DMD: variants seen among roughly 807,000 people sequenced by gnomAD.
The protein encoded by DMD is mutant dystrophin.
A neutral mutation model predicts 330.1 loss-of-function variants in DMD; 63 were observed. That is an observed-to-expected ratio of 0.19 (90% CI 0.16 to 0.24). The LOEUF (loss-of-function observed/expected upper bound fraction) is 0.24, where lower values mean the gene tolerates loss of function less well. Ranked by LOEUF, DMD falls within the 10% of genes least tolerant of loss-of-function variation. The pLI is 1.00. For synonymous variants in DMD, 1,223 were observed against 959.8 expected, an observed-to-expected ratio of 1.27 and a Z score of -5.07; for missense variants, 3,344 against 2,684.1, an observed-to-expected ratio of 1.25 and a Z score of -5.43.
intron 1 of DMD, among the ~76,000 whole-genome samples, chrX:33,232,847 T>C (rs1270333878): frequency 9.0e-6 from 1 of 111,565 alleles, no homozygotes; most frequent in Non-Finnish European, 1.9e-5. Flanking sequence ...TAATTATTTA[T>C]TCATCTGATG....
chrX:32,117,901 C>T (rs1369218200), intron 44 of DMD, among the ~76,000 whole-genome samples: 1 of 111,435 alleles, frequency 9.0e-6, no homozygotes, highest in Non-Finnish European at 1.9e-5. Flanking sequence ...GATGTGACAA[C>T]CAGAGAGGCT....
At chrX:32,474,001 C>A (rs1418449059) in intron 21 of DMD, among the ~76,000 whole-genome samples, 2 of 109,970 alleles carry the variant, frequency 1.8e-5, no homozygotes, top group Non-Finnish European at 3.8e-5. Context: ...CCCACAAGTT[C>A]CCAAAGTCCA....
At chrX:32,509,341 C>T (rs981898303) in intron 18 of DMD, among the ~76,000 whole-genome samples, 2 of 110,448 alleles carry the variant, frequency 1.8e-5, no homozygotes, top group Non-Finnish European at 3.8e-5. Flanking sequence ...AAATTTCTAC[C>T]GTCTCCCATT....
chrX:32,496,672 G>C (rs1187886474), intron 19 of DMD, among the ~76,000 whole-genome samples: 1 of 112,712 alleles, frequency 8.9e-6, no homozygotes, highest in African/African-American at 3.2e-5. Context: ...ACATGTCTGC[G>C]CATGCGAGTT....
intron 2 of DMD, among the ~76,000 whole-genome samples, chrX:32,989,283 C>A (rs1170855439): frequency 9.0e-6 from 1 of 111,318 alleles, no homozygotes; most frequent in Admixed American, 9.6e-5. Flanking sequence ...ACTGCAAAAC[C>A]CTTCTCATCT....
intron 1 of DMD, among the ~76,000 whole-genome samples, chrX:33,275,514 C>A (rs1459749697): frequency 8.9e-6 from 1 of 111,966 alleles, no homozygotes; most frequent in Non-Finnish European, 1.9e-5. Context: ...TCATGTATCA[C>A]TAAAAATCAT....
rs952026581 is a variant in DMD at position 32,899,472 on chromosome X, G to A, written c.94-49652C>T. ...GGGCGGATCACGAGATCAAGAGATCGAGACCATCCTGACCAACATGGTGAA... is the reference window on the plus strand; with the variant it reads ...GGGCGGATCACGAGATCAAGAGATCAAGACCATCCTGACCAACATGGTGAA... On this transcript the variant is annotated intron_variant, in intron 2 of 78. Coordinates refer to ENST00000357033, the MANE Select transcript of DMD (RefSeq NM_004006.3). Among the ~76,000 whole-genome samples the A allele has an allele frequency of 2.7e-5, 3 of 109,574 alleles. No individual in the cohort carries two copies. The Admixed American group carries it at 3.0e-4, about 11-fold the overall frequency.
intron 7 of DMD, among the ~76,000 whole-genome samples, chrX:32,737,080 T>C (rs1015865443): frequency 1.1e-4 from 12 of 110,667 alleles, no homozygotes; most frequent in Non-Finnish European, 2.1e-4. Context: ...TTGTTTCATA[T>C]GTTATTATCT....
Position 32,736,301 on chromosome X carries a change from C to CT in DMD, c.650-37009dup, listed in dbSNP as rs975666598. Among the ~76,000 whole-genome samples, 181 of 111,398 alleles carry CT rather than the reference C, an allele frequency of 1.6e-3. 1 individual carries two copies. Among genetic ancestry groups the CT allele is most frequent in the African/African-American group, 5.8e-3 (178 of 30,525 alleles). ...GAGAGGATGTGGAGAAATAGGAACACTTTTTCACTGTTGGTGGGACTGTAA... is the reference window on the plus strand; with the variant it reads ...GAGAGGATGTGGAGAAATAGGAACACTTTTTTCACTGTTGGTGGGACTGTAA... On this transcript the variant is annotated intron_variant, in intron 7 of 78. Coordinates refer to ENST00000357033, the MANE Select transcript of DMD (RefSeq NM_004006.3).
chrX:32,465,832 C>A (rs1467702254), intron 23 of DMD, among the ~76,000 whole-genome samples: 1 of 110,831 alleles, frequency 9.0e-6, no homozygotes, highest in African/African-American at 3.3e-5. Flanking sequence ...GATCTACCTG[C>A]CTCAGCTGCC....
At position 32,385,653 on chromosome X, in the gene DMD, G is replaced by A. The variant is rs778782564; in HGVS notation, c.4674+657C>T. On this transcript the variant is annotated intron_variant, in intron 33 of 78. Transcript: ENST00000357033. ...ACAGAATATTTGAGTTGAGCGAAGT[G>A]AGATGGAGAGATATAGGCATCTTGA... 5.7e-5 allele frequency among the ~76,000 whole-genome samples: 3 copies of A among 52,527 alleles called. No homozygotes were observed. In the Admixed American group the frequency reaches 6.9e-4, roughly 12 times the overall value. The allele number at this position is 52,527 out of a possible 115,157, so 45.6% of individuals were successfully genotyped here.
intron 7 of DMD, among the ~76,000 whole-genome samples, chrX:32,755,767 A>G (rs1469905540): frequency 8.9e-6 from 1 of 112,124 alleles, no homozygotes; most frequent in Non-Finnish European, 1.9e-5. Context: ...CTTTTCCTCA[A>G]TTGGGAAGTG....
intron 35 of DMD, 111 bp from the exon 36 acceptor site, chrX:32,364,821 A>G (rs1001361364): frequency 1.1e-6 from 1 of 880,378 alleles, no homozygotes; most frequent in Admixed American, 2.9e-5. Context: ...CATTGAGATT[A>G]GTTTTAAGTG....
At chrX:31,787,717 C>T (rs2091376903) in intron 50 of DMD, among the ~76,000 whole-genome samples, 5 of 112,040 alleles carry the variant, frequency 4.5e-5, no homozygotes, top group South Asian at 3.7e-4. Flanking sequence ...TGAGTTTTAA[C>T]GTTCTGGGTC....
chrX:32,962,191 A>G (rs187260114), intron 2 of DMD, among the ~76,000 whole-genome samples: 1 of 111,801 alleles, frequency 8.9e-6, no homozygotes, highest in East Asian at 2.8e-4. Context: ...TAAAAATACA[A>G]TAACTTGCAC....
At chrX:32,511,410 T>A (rs1217131125) in intron 18 of DMD, among the ~76,000 whole-genome samples, 1 of 105,893 alleles carries the variant, frequency 9.4e-6, no homozygotes, top group Non-Finnish European at 1.9e-5. Flanking sequence ...TAGTCCCAGC[T>A]ACTCGGGAGG....
intron 60 of DMD, among the ~76,000 whole-genome samples, chrX:31,397,974 C>T (rs772684448): frequency 5.3e-5 from 6 of 112,356 alleles, no homozygotes; most frequent in Non-Finnish European, 1.1e-4. Flanking sequence ...GAACAATTGA[C>T]CTTGCGTAAG....
intron 21 of DMD, among the ~76,000 whole-genome samples, chrX:32,475,851 G>T (rs186533492): frequency 9.0e-6 from 1 of 110,683 alleles, no homozygotes; most frequent in Non-Finnish European, 1.9e-5. Context: ...CCTCTTTACC[G>T]ATTTGGATGC....
At position 32,464,675 on chromosome X, in the gene DMD, A is replaced by G. The variant is rs1603634106; in HGVS notation, c.3187T>C (p.Trp1063Arg). ...AGAAAAACATCAACTTCAGCCATCC[A>G]TTTCTTCAGGGTTTGTATGTGATTC... The part of the protein sequence containing the change: ...IQNHIQTLKK[W>R]MAEVDVFLKE... Residue 1063 changes from tryptophan to arginine, a missense_variant, in exon 24 of 79, where the codon TGG becomes CGG. Trp to Arg is a moderately radical substitution (Grantham distance 101). Coordinates refer to ENST00000357033, the MANE Select transcript of DMD (RefSeq NM_004006.3). 8.3e-7 allele frequency: 1 copy of G among 1,204,744 alleles called. No individual in the cohort carries two copies. The highest frequency in any genetic ancestry group is 1.1e-6 in the Non-Finnish European group (1 of 890,904).
Sources: allele counts gnomAD v4.1 joint callset (sites outside exome capture counted in the v4.1 genomes callset), GRCh38; gene constraint gnomAD v4.1.1; transcripts MANE v1.5; gene names NCBI Gene and HGNC (gene_info 2026-07-23, HGNC 2026-07-21).